The following ABTB1 variants were observed in gnomAD, a reference collection of about 807,000 sequenced individuals.
ABTB1 encodes the protein ankyrin repeat and BTB domain containing 1, also known as ankyrin repeat and BTB/POZ domain-containing protein 1.
A neutral mutation model predicts 57.1 loss-of-function variants in ABTB1; 45 were observed. The observed-to-expected ratio is 0.79, with a 90% CI of 0.62 to 1.01. The LOEUF (loss-of-function observed/expected upper bound fraction) is 1.01. ABTB1 is among the 50% of genes least tolerant of loss of function. ABTB1 has a pLI of 0.00. For synonymous variants in ABTB1, 302 were observed against 275.4 expected, an observed-to-expected ratio of 1.10 and a Z score of -0.95; for missense variants, 630 against 666.3, an observed-to-expected ratio of 0.95 and a Z score of 0.60.
chr3:127,677,778 C>T lies in ABTB1; in HGVS notation c.964C>T (p.Leu322=). 6.2e-7 allele frequency: 1 copy of T among 1,612,586 alleles called. No homozygotes were observed. Among genetic ancestry groups the T allele is most frequent in the South Asian group, 1.1e-5 (1 of 90,868 alleles). The part of the protein sequence containing the change: ...ATSGGPPAVT[L]HGISPDVFTH... Reference sequence around the variant, plus strand: ...CTCAGGGGGCCCCCCAGCCGTCACCCTGCATGGCATCTCACCCGACGTCTT... The same window carrying T: ...CTCAGGGGGCCCCCCAGCCGTCACCTTGCATGGCATCTCACCCGACGTCTT... The change falls in exon 10 of 12, where the codon CTG becomes TTG. Residue 322 remains leucine (L), a synonymous_variant. Transcript: ENST00000232744.
intron 1 of ABTB1, 36 bp from the exon 2 acceptor site, chr3:127,674,355 C>G: frequency 1.9e-6 from 3 of 1,587,260 alleles, no homozygotes; most frequent in Non-Finnish European, 2.6e-6. Flanking sequence ...ACCATGAACC[C>G]GTCCTGACCC....
chr3:127,680,462 G>C lies in ABTB1; in HGVS notation c.1424G>C (p.Gly475Ala). The stretch of plus-strand genomic sequence containing the variant: ...CTCGAGGACCTGCTCGTGTCCATCG[G>C]TCTGGACTGTTGAGCCCCTGGCTGG... The part of the protein sequence containing the change: ...RALEDLLVSI[G>A]LDC Residue 475 changes from glycine to alanine, a missense_variant, in exon 12 of 12, where the codon GGT (glycine) becomes GCT (alanine). Transcript: ENST00000232744. 1 of 1,601,638 alleles carries C rather than the reference G, an allele frequency of 6.2e-7. No homozygotes were observed. Among genetic ancestry groups the C allele is most frequent in the East Asian group, 2.2e-5 (1 of 44,640 alleles).
rs751245086 is a variant in ABTB1 at position 127,680,368 on chromosome 3, C to T, written c.1330C>T (p.Arg444Cys). The T allele has an allele frequency of 1.7e-5, 27 of 1,608,256 alleles. No individual in the cohort carries two copies. The highest frequency in any genetic ancestry group is 5.1e-5 in the Admixed American group (3 of 58,954). The change falls in exon 12 of 12, where the codon CGC (arginine) becomes TGC (cysteine). Residue 444 changes from arginine to cysteine, a missense_variant. This residue lies in a region of ABTB1 where 43 missense variants were observed against 56.1 expected (regional missense o/e 0.77). Transcript: ENST00000232744. ...TDSIPLVDDI[R>C]FHVASTVQTY... ...CTCTATCCCGCTGGTGGACGACATC[C>T]GCTTCCACGTGGCCAGCACGGTGCA... is the stretch of plus-strand genomic sequence containing the variant.
rs1172687094 is a variant in ABTB1, at chr3:127,677,756, A to C, written c.942A>C (p.Ser314=). Residue 314 remains serine (S), a synonymous_variant, in exon 10 of 12, where the codon TCA becomes TCC. Coordinates refer to ENST00000232744, the MANE Select transcript of ABTB1 (RefSeq NM_172027.3). ...HFRESEEPAT[S]GGPPAVTLHG... ...GAGAGAGCGAGGAGCCAGCGACCTC[A>C]GGGGGCCCCCCAGCCGTCACCCTGC... 2.5e-6 allele frequency: 4 copies of C among 1,611,718 alleles called. No homozygotes were observed. The highest frequency in any genetic ancestry group is 3.4e-6 in the Non-Finnish European group (4 of 1,179,176).
chr3:127,674,545 G>A lies in ABTB1; in HGVS notation c.120G>A (p.Leu40=). 1 of 1,614,122 alleles carries A rather than the reference G, an allele frequency of 6.2e-7. No individual in the cohort carries two copies. ...TCCTGTACTTCCTTCCTCCCTTCAGGTACTATGCCTGCTTGTGTGGGCACG... is the reference window on the plus strand; with the variant it reads ...TCCTGTACTTCCTTCCTCCCTTCAGATACTATGCCTGCTTGTGTGGGCACG... The part of the protein sequence containing the change: ...NVRDKWDSTP[L]YYACLCGHEE... Residue 40 remains leucine, a splice_region_variant and synonymous_variant, in exon 3 of 12, where the codon TTG becomes TTA. Coordinates refer to ENST00000232744, the MANE Select transcript of ABTB1 (RefSeq NM_172027.3).
Position 127,673,098 on chromosome 3 carries a change from C to G in ABTB1, c.56+17C>G. 1 of 1,542,926 alleles carries G rather than the reference C, an allele frequency of 6.5e-7. No homozygotes were observed. Among genetic ancestry groups the G allele is most frequent in the Non-Finnish European group, 8.7e-7 (1 of 1,144,706 alleles). On this transcript the variant is annotated intron_variant, in intron 1 of 11. Transcript: ENST00000232744. Reference sequence around the variant, plus strand: ...CCGAGTGCGGTGAGGACCTCGCAGTCCCGGGGAGGGTGCGGGAGGTGGCCG... The same window carrying G: ...CCGAGTGCGGTGAGGACCTCGCAGTGCCGGGGAGGGTGCGGGAGGTGGCCG...
In ABTB1 at chr3:127,677,703, T is replaced by C. The variant is rs2075019666; in HGVS notation, c.889T>C (p.Phe297Leu). 1.2e-6 allele frequency: 2 copies of C among 1,609,506 alleles called. No individual in the cohort carries two copies. Among genetic ancestry groups the C allele is most frequent in the Non-Finnish European group, 1.7e-6 (2 of 1,177,950 alleles). The part of the protein sequence containing the change: ...KAFFCGRSDY[F>L]RALLDDHFRE... ...CTTTTTCTGTGGCCGCAGTGACTAC[T>C]TCCGAGCCCTGCTGGATGACCACTT... is the stretch of plus-strand genomic sequence containing the variant. The change falls in exon 10 of 12, where the codon TTC becomes CTC. Residue 297 changes from phenylalanine (F) to leucine (L), a missense_variant. Phe to Leu is a conservative substitution (Grantham distance 22). This residue lies in a region of ABTB1 where 579 missense variants were observed against 585.9 expected (regional missense o/e 0.99). Transcript: ENST00000232744.
chr3:127,674,648 TGTGCGTGTGGGTGCATGCATGC>T (rs1221198691), intron 3 of ABTB1, 48 bp downstream of exon 3: 5 of 1,603,902 alleles, frequency 3.1e-6, no homozygotes, highest in East Asian at 2.2e-5. Context: ...TGCATGCATG[TGTGCGTGTGGGTGCATGCATGC>T]GTGCGTGCAT....
Position 127,680,447 on chromosome 3 carries a change from T to C in ABTB1, c.1409T>C (p.Leu470Pro). Residue 470 changes from leucine (L) to proline (P), a missense_variant, in exon 12 of 12, where the codon CTG becomes CCG. Transcript: ENST00000232744. Reference sequence around the variant, plus strand: ...CAGCGTCTGCGGGCACTCGAGGACCTGCTCGTGTCCATCGGTCTGGACTGT... The same window carrying C: ...CAGCGTCTGCGGGCACTCGAGGACCCGCTCGTGTCCATCGGTCTGGACTGT... Reference protein sequence around the residue: ...AQQRLRALEDLLVSIGLDC With the variant: ...AQQRLRALEDPLVSIGLDC 6.2e-7 allele frequency: 1 copy of C among 1,604,260 alleles called. No homozygotes were observed. Among genetic ancestry groups the C allele is most frequent in the Non-Finnish European group, 8.5e-7 (1 of 1,177,312 alleles).
Position 127,673,049 on chromosome 3 carries a change from C to T in ABTB1, c.24C>T (p.Ala8=). The part of the protein sequence containing the change: MDTSDLF[A]SCRKGDVGRV... ...CCATGGACACCAGCGACCTGTTCGC[C>T]AGCTGCAGGAAGGGGGATGTGGGCC... Residue 8 remains alanine, a synonymous_variant, in exon 1 of 12, where the codon GCC becomes GCT. Coordinates refer to ENST00000232744, the MANE Select transcript of ABTB1 (RefSeq NM_172027.3). The T allele has an allele frequency of 6.3e-7, 1 of 1,576,036 alleles. No individual in the cohort carries two copies. The highest frequency in any genetic ancestry group is 8.6e-7 in the Non-Finnish European group (1 of 1,161,222).
chr3:127,674,197 G>GC, intron 1 of ABTB1, 194 bp from the exon 2 acceptor site: 1 of 644,316 alleles, frequency 1.6e-6, no homozygotes, highest in Non-Finnish European at 2.7e-6. Context: ...CTGCCTGTTC[G>GC]ACCCCACCTC....
chr3:127,674,117 C>T, intron 1 of ABTB1: 1 of 499,870 alleles, frequency 2.0e-6, no homozygotes, highest in South Asian at 2.1e-5. Context: ...GCCAAAGGTC[C>T]AGCCTCGGCA....
chr3:127,680,629 T>C lies in ABTB1; in HGVS notation c.*154T>C, dbSNP rs1186807557. ...GGGGCTTCTCTTCCCTCCATGAGCC[T>C]GGAGACCCCAGGGGAGGATCCATTT... On this transcript the variant is annotated 3_prime_UTR_variant, in exon 12 of 12. Transcript: ENST00000232744. 2.1e-6 allele frequency: 2 copies of C among 970,666 alleles called. No individual in the cohort carries two copies. Among genetic ancestry groups the C allele is most frequent in the East Asian group, 4.8e-5 (2 of 41,878 alleles). 60.1% of individuals were successfully genotyped at this position (970,666 alleles called of 1,614,324 possible). A position where few individuals can be genotyped will look rare whatever the true frequency, so the allele number is the denominator to read the frequency against.
chr3:127,680,018 G>T lies in ABTB1; in HGVS notation c.1063G>T (p.Val355Phe). 1 of 1,613,666 alleles carries T rather than the reference G, an allele frequency of 6.2e-7. No homozygotes were observed. Among genetic ancestry groups the T allele is most frequent in the South Asian group, 1.1e-5 (1 of 91,084 alleles). Residue 355 changes from valine to phenylalanine, a missense_variant, in exon 11 of 12, where the codon GTC (valine) becomes TTC (phenylalanine). Val to Phe is a conservative substitution (Grantham distance 50, BLOSUM62 -1). Around this residue, in one of 3 missense-constraint regions of ABTB1, gnomAD observed 579 missense variants for 585.9 expected, o/e 0.99. Coordinates refer to ENST00000232744, the MANE Select transcript of ABTB1 (RefSeq NM_172027.3). ...SPEAAYDVLS[V>F]ADMYLLPGLK... Reference sequence around the variant, plus strand: ...CGAGGCAGCCTATGATGTGCTGAGCGTCGCCGACATGTACCTGCTGCCAGG... The same window carrying T: ...CGAGGCAGCCTATGATGTGCTGAGCTTCGCCGACATGTACCTGCTGCCAGG...
chr3:127,680,210 G>A (rs771548060), intron 11 of ABTB1, 25 bp downstream of exon 11: 2 of 1,613,352 alleles, frequency 1.2e-6, no homozygotes, highest in Admixed American at 3.3e-5. Flanking sequence ...TGCAGTGGGT[G>A]GGAAGGAGGG....
intron 3 of ABTB1, 61 bp downstream of exon 3, chr3:127,674,661 G>A: frequency 1.3e-6 from 2 of 1,586,524 alleles, no homozygotes; most frequent in African/African-American, 1.3e-5. Context: ...GCGTGTGGGT[G>A]CATGCATGCG....
chr3:127,677,813 G>A lies in ABTB1; in HGVS notation c.999G>A (p.Val333=). ...HGISPDVFTH[V]LYYMYSDHTE... ...TCTCACCCGACGTCTTCACTCACGTGCTCTACTACATGTACAGCGACCACA... is the reference window on the plus strand; with the variant it reads ...TCTCACCCGACGTCTTCACTCACGTACTCTACTACATGTACAGCGACCACA... The change falls in exon 10 of 12, where the codon GTG becomes GTA. Residue 333 remains valine, a synonymous_variant. Transcript: ENST00000232744. 1 of 1,612,604 alleles carries A rather than the reference G, an allele frequency of 6.2e-7. No individual in the cohort carries two copies. The highest frequency in any genetic ancestry group is 8.5e-7 in the Non-Finnish European group (1 of 1,179,744).
Position 127,680,866 on chromosome 3 carries a change from T to C in ABTB1, c.*391T>C. Reference sequence around the variant, plus strand: ...GCTGGTGTTCCCATGCACAGGGCCATTCAGGAAGGGCTGGGGGAGTGTGTG... The same window carrying C: ...GCTGGTGTTCCCATGCACAGGGCCACTCAGGAAGGGCTGGGGGAGTGTGTG... On this transcript the variant is annotated 3_prime_UTR_variant, in exon 12 of 12. Coordinates refer to ENST00000232744, the MANE Select transcript of ABTB1 (RefSeq NM_172027.3). 1.7e-6 allele frequency: 1 copy of C among 584,078 alleles called. No individual in the cohort carries two copies. Among genetic ancestry groups the C allele is most frequent in the Non-Finnish European group, 3.0e-6 (1 of 330,750 alleles). The allele number at this position is 584,078 out of a possible 1,614,324, so 36.2% of individuals were successfully genotyped here. A position where few individuals can be genotyped will look rare whatever the true frequency, so the allele number is the denominator to read the frequency against.
In ABTB1 at chr3:127,676,672, C is replaced by T; in HGVS notation, c.526+91C>T. The T allele has an allele frequency of 6.6e-7, 1 of 1,513,196 alleles. No individual in the cohort carries two copies. The highest frequency in any genetic ancestry group is 9.1e-7 in the Non-Finnish European group (1 of 1,095,070). 93.7% of individuals were successfully genotyped at this position (1,513,196 alleles called of 1,614,324 possible). ...AGGTGTGGCTGGGCTGACCTTTCAC[C>T]TCTAGACACTTCATGGTCCCCCCGG... On this transcript the variant is annotated intron_variant, in intron 6 of 11. Coordinates refer to ENST00000232744, the MANE Select transcript of ABTB1 (RefSeq NM_172027.3). The surrounding 1 kb of genome is among the most constrained non-coding windows in gnomAD (Gnocchi z 5.4).
Sources: allele counts gnomAD v4.1 joint callset, GRCh38; gene constraint gnomAD v4.1.1; regional missense constraint gnomAD v4.1.1; non-coding constraint Gnocchi (gnomAD v3.1); transcripts MANE v1.5; gene names NCBI Gene and HGNC (gene_info 2026-07-23, HGNC 2026-07-21).